Variants in MTHFD2L observed in about 807,000 individuals in gnomAD.
The protein encoded by MTHFD2L is bifunctional methylenetetrahydrofolate dehydrogenase/cyclohydrolase 2, mitochondrial.
MTHFD2L carries 29 observed loss-of-function variants against 34.9 expected under a neutral mutation model. That is an observed-to-expected ratio of 0.83 (90% confidence interval 0.62 to 1.13). MTHFD2L has a LOEUF of 1.13. Ranked by LOEUF, MTHFD2L falls within the 50% of genes most tolerant of loss-of-function variation. MTHFD2L has a pLI of 0.00. For synonymous variants in MTHFD2L, 167 were observed against 155.7 expected (o/e 1.07, Z -0.54); for missense variants, 481 against 446.5 (o/e 1.08, Z -0.70).
chr4:74,293,616 C>A, intron 7 of MTHFD2L: 1 of 707,946 alleles, frequency 1.4e-6, no homozygotes, highest in Non-Finnish European at 1.7e-6. Flanking sequence ...TGGTTGCCTT[C>A]CAAGTTCAAT....
At chr4:74,144,878 G>T (rs1440625457) in intron 1 of MTHFD2L, among the ~76,000 whole-genome samples, 1 of 152,138 alleles carries the variant, frequency 6.6e-6, no homozygotes, top group Non-Finnish European at 1.5e-5. Flanking sequence ...GAAAGAAGTA[G>T]AATTGTAGAT....
intron 7 of MTHFD2L, among the ~76,000 whole-genome samples, chr4:74,288,711 G>A (rs1748502972): frequency 6.6e-6 from 1 of 152,122 alleles, no homozygotes; most frequent in African/African-American, 2.4e-5. Context: ...TGTCACTGAA[G>A]ACATATCTTG....
rs181848625 is a variant in MTHFD2L at position 74,126,912 on chromosome 4, G to A, written c.-297+1395G>A. On this transcript the variant is annotated intron_variant, in intron 1 of 7. Transcript: ENST00000433372. ...TCAGTTCCCATAATCCCCATGTGTCGAGGAAGGGACCCGGTGGGAGGTAAT... is the reference window on the plus strand; with the variant it reads ...TCAGTTCCCATAATCCCCATGTGTCAAGGAAGGGACCCGGTGGGAGGTAAT... 5.7e-4 allele frequency among the ~76,000 whole-genome samples: 86 copies of A among 152,076 alleles called. 1 individual carries two copies. The South Asian group carries it at 0.01, about 18-fold the overall frequency.
intron 3 of MTHFD2L, among the ~76,000 whole-genome samples, chr4:74,198,725 T>C (rs936697974): frequency 6.6e-6 from 1 of 152,180 alleles, no homozygotes; most frequent in Non-Finnish European, 1.5e-5. Flanking sequence ...GAGGCCCTGC[T>C]AAAACATTCT....
chr4:74,206,185 T>A (rs1372529554), intron 5 of MTHFD2L, among the ~76,000 whole-genome samples: 3 of 151,340 alleles, frequency 2.0e-5, no homozygotes, highest in Non-Finnish European at 2.9e-5. Context: ...GTAACTCCTT[T>A]GATTTGGGGC....
intron 6 of MTHFD2L, among the ~76,000 whole-genome samples, chr4:74,268,905 C>T (rs1165002341): frequency 2.0e-5 from 3 of 152,112 alleles, no homozygotes; most frequent in Non-Finnish European, 4.4e-5. Context: ...GTATTGCTAT[C>T]ATTTTTTTCT....
intron 1 of MTHFD2L, among the ~76,000 whole-genome samples, chr4:74,165,952 T>C (rs1373552960): frequency 9.2e-6 from 1 of 108,890 alleles, no homozygotes; most frequent in Non-Finnish European, 1.6e-5. Context: ...ATTTTAAAAA[T>C]AGTTTACCAT....
chr4:74,199,363 C>G (rs1206359329), intron 3 of MTHFD2L, among the ~76,000 whole-genome samples: 2 of 152,042 alleles, frequency 1.3e-5, no homozygotes, highest in Non-Finnish European at 2.9e-5. Flanking sequence ...ATTCTTAACA[C>G]TAACAAACCC....
chr4:74,149,621 A>G (rs565774978), intron 1 of MTHFD2L, among the ~76,000 whole-genome samples: 1 of 152,348 alleles, frequency 6.6e-6, no homozygotes, highest in South Asian at 2.1e-4. Context: ...TTAAACTACA[A>G]AATTCAAGAC....
chr4:74,199,829 G>C lies in MTHFD2L; in HGVS notation c.487G>C (p.Ala163Pro). 6.2e-7 allele frequency: 1 copy of C among 1,612,962 alleles called. No homozygotes were observed. Among genetic ancestry groups the C allele is most frequent in the Non-Finnish European group, 8.5e-7 (1 of 1,179,346 alleles). The change falls in exon 4 of 8, where the codon GCC becomes CCC. Residue 163 changes from alanine (A) to proline (P), a missense_variant. Coordinates refer to ENST00000325278, the MANE Select transcript of MTHFD2L (RefSeq NM_001144978.3). ...VDERTICNGIAPEKDVDGFHI... is the reference protein window; with the variant it reads ...VDERTICNGIPPEKDVDGFHI... ...TGAGCGAACAATATGCAATGGAATT[G>C]CCCCAGAAAAAGATGTAGATGGATT...
chr4:74,182,430 C>G (rs1210531477), intron 3 of MTHFD2L, among the ~76,000 whole-genome samples: 1 of 152,154 alleles, frequency 6.6e-6, no homozygotes, highest in Non-Finnish European at 1.5e-5. Flanking sequence ...TATATAGTAT[C>G]TATTGTATAC....
At chr4:74,224,821 A>G (rs942039315) in intron 5 of MTHFD2L, among the ~76,000 whole-genome samples, 18 of 152,278 alleles carry the variant, frequency 1.2e-4, no homozygotes, top group African/African-American at 4.3e-4. Flanking sequence ...TCATGCATTA[A>G]GACCTAAAAA....
chr4:74,207,543 CA>C (rs2110073794), intron 5 of MTHFD2L, among the ~76,000 whole-genome samples: 1 of 152,300 alleles, frequency 6.6e-6, no homozygotes, highest in African/African-American at 2.4e-5. Context: ...CAAAAGTTGA[CA>C]GTCTGAATCA....
chr4:74,264,512 T>C (rs1338116203), intron 6 of MTHFD2L, among the ~76,000 whole-genome samples: 1 of 151,924 alleles, frequency 6.6e-6, no homozygotes, highest in Non-Finnish European at 1.5e-5. Flanking sequence ...ATATATATTA[T>C]ATTTCATGGA....
intron 1 of MTHFD2L, 38 bp downstream of exon 1, chr4:74,158,319 C>A (rs1171746975): frequency 3.3e-6 from 4 of 1,229,286 alleles, no homozygotes; most frequent in Admixed American, 4.4e-5. Flanking sequence ...GAGCCGCTGG[C>A]GGTGGGAGGT....
chr4:74,288,013 A>G (rs1469303079), intron 7 of MTHFD2L, among the ~76,000 whole-genome samples: 1 of 152,088 alleles, frequency 6.6e-6, no homozygotes, highest in Admixed American at 6.6e-5. Flanking sequence ...GTAGATGGCC[A>G]TTTTCTCCCT....
intron 1 of MTHFD2L, among the ~76,000 whole-genome samples, chr4:74,131,728 C>T (rs1722518016): frequency 6.6e-6 from 1 of 152,150 alleles, no homozygotes; most frequent in African/African-American, 2.4e-5. Context: ...CCAAAATTGA[C>T]AAATGGGATC....
chr4:74,226,443 A>G (rs1425222294), intron 6 of MTHFD2L, among the ~76,000 whole-genome samples: 1 of 152,166 alleles, frequency 6.6e-6, no homozygotes, highest in Non-Finnish European at 1.5e-5. Context: ...TTAATATACA[A>G]AAGAAAGCTT....
rs1395158107 is a variant in MTHFD2L, at chr4:74,230,445, C to T, written c.805+5051C>T. Reference sequence around the variant, plus strand: ...TCTCTACTAAAAATACAAAAATTAGCCAGGTGTGGTGGTGGGTGCCTGTAA... The same window carrying T: ...TCTCTACTAAAAATACAAAAATTAGTCAGGTGTGGTGGTGGGTGCCTGTAA... On this transcript the variant is annotated intron_variant, in intron 6 of 7. Transcript: ENST00000325278. 2.0e-5 allele frequency among the ~76,000 whole-genome samples: 3 copies of T among 151,594 alleles called. No homozygotes were observed. The East Asian group carries it at 5.8e-4, about 29-fold the overall frequency.
Sources: allele counts gnomAD v4.1 joint callset (sites outside exome capture counted in the v4.1 genomes callset), GRCh38; gene constraint gnomAD v4.1.1; transcripts MANE v1.5; gene names NCBI Gene and HGNC (gene_info 2026-07-23, HGNC 2026-07-21).